Variants in PPM1D observed in about 807,000 individuals in gnomAD.
The protein encoded by PPM1D is protein phosphatase 1D.
PPM1D carries 52 observed loss-of-function variants against 58.3 expected under a neutral mutation model. The observed-to-expected ratio is 0.89, with a 90% CI of 0.71 to 1.12. The LOEUF is 1.12. Ranked by LOEUF, PPM1D falls within the 50% of genes most tolerant of loss-of-function variation. PPM1D has a pLI of 0.00. For missense variants in PPM1D, 564 were observed against 777.2 expected (o/e 0.73, Z 3.26); for synonymous variants, 278 against 285.1 (o/e 0.98, Z 0.25).
At chr17:60,628,874 C>T (rs1288828234) in intron 2 of PPM1D, among the ~76,000 whole-genome samples, 3 of 152,186 alleles carry the variant, frequency 2.0e-5, no homozygotes, top group South Asian at 4.1e-4. Context: ...TTTGCCAGTA[C>T]TCGTATGGTT....
Position 60,600,666 on chromosome 17 carries a change from C to G in PPM1D, c.252C>G (p.Ala84=), listed in dbSNP as rs1473615229. The G allele has an allele frequency of 5.8e-6, 9 of 1,555,630 alleles. No homozygotes were observed. Among genetic ancestry groups the G allele is most frequent in the African/African-American group, 1.4e-5 (1 of 72,508 alleles). ...GCGACCCTCTCCCGGACGCCGGGGC[C>G]TCGCCGGCACCTAGCCGCTGCTGCC... ...EARDPLPDAG[A]SPAPSRCCRR... The change falls in exon 1 of 6, where the codon GCC becomes GCG. Residue 84 remains alanine, a synonymous_variant. Coordinates refer to ENST00000305921, the MANE Select transcript of PPM1D (RefSeq NM_003620.4).
chr17:60,663,367 C>T lies in PPM1D; in HGVS notation c.1633C>T (p.Pro545Ser). Residue 545 changes from proline to serine, a missense_variant, in exon 6 of 6, where the codon CCC (proline) becomes TCC (serine). By Grantham distance (74) the Pro-to-Ser change is moderately conservative. Around this residue, in one of 7 missense-constraint regions of PPM1D, gnomAD observed 261 missense variants for 270.1 expected, o/e 0.97. Coordinates refer to ENST00000305921, the MANE Select transcript of PPM1D (RefSeq NM_003620.4). ...GACATTAGAAGAGTCCAATTCTGGCCCCCTGATGAAGAAGCATAGACGAAA... is the reference window on the plus strand; with the variant it reads ...GACATTAGAAGAGTCCAATTCTGGCTCCCTGATGAAGAAGCATAGACGAAA... The part of the protein sequence containing the change: ...KRTLEESNSG[P>S]LMKKHRRNGL... 1 of 1,614,080 alleles carries T rather than the reference C, an allele frequency of 6.2e-7. No homozygotes were observed. The highest frequency in any genetic ancestry group is 1.1e-5 in the South Asian group (1 of 91,076).
intron 1 of PPM1D, among the ~76,000 whole-genome samples, chr17:60,602,053 A>T (rs536154177): frequency 1.3e-4 from 20 of 152,366 alleles, no homozygotes; most frequent in Admixed American, 7.8e-4. Context: ...GTTGTAGATT[A>T]GCCGGTTTCA....
At chr17:60,602,225 G>A (rs2030229599) in intron 1 of PPM1D, among the ~76,000 whole-genome samples, 1 of 152,164 alleles carries the variant, frequency 6.6e-6, no homozygotes, top group Non-Finnish European at 1.5e-5. Flanking sequence ...AAGCACTGTA[G>A]TGTATTGTAG....
chr17:60,647,928 T>A lies in PPM1D; in HGVS notation c.863T>A (p.Phe288Tyr). ...AGCTATGATTTCTTCAGTGGTGAAT[T>A]TGTGGTGTCACCTGAACCAGACACA... is the stretch of plus-strand genomic sequence containing the variant. ...LWSYDFFSGE[F>Y]VVSPEPDTSV... The change falls in exon 4 of 6, where the codon TTT becomes TAT. Residue 288 changes from phenylalanine (F) to tyrosine (Y), a missense_variant. By Grantham distance (22) the Phe-to-Tyr change is conservative. Around this residue, in one of 7 missense-constraint regions of PPM1D, gnomAD observed 95 missense variants for 232.6 expected, o/e 0.41. Coordinates refer to ENST00000305921, the MANE Select transcript of PPM1D (RefSeq NM_003620.4). The A allele has an allele frequency of 1.2e-6, 2 of 1,613,562 alleles. No individual in the cohort carries two copies. Among genetic ancestry groups the A allele is most frequent in the Non-Finnish European group, 1.7e-6 (2 of 1,179,624 alleles).
intron 3 of PPM1D, among the ~76,000 whole-genome samples, chr17:60,647,689 G>A (rs1314896798): frequency 2.0e-5 from 3 of 152,158 alleles, no homozygotes; most frequent in African/African-American, 7.2e-5. Flanking sequence ...CAGAATTCTG[G>A]TGGATATACT....
At chr17:60,612,965 T>C (rs2030491100) in intron 1 of PPM1D, among the ~76,000 whole-genome samples, 1 of 152,182 alleles carries the variant, frequency 6.6e-6, no homozygotes, top group African/African-American at 2.4e-5. Flanking sequence ...TTTAAATTAT[T>C]AGTTTGGAGT....
chr17:60,645,586 GTGTATATATA>G (rs1376138220), intron 3 of PPM1D, among the ~76,000 whole-genome samples: 19 of 138,040 alleles, frequency 1.4e-4, no homozygotes, highest in South Asian at 4.4e-4. Flanking sequence ...ATATATATGT[GTGTATATATA>G]TGTATATATA....
chr17:60,645,606 A>G (rs1168483972), intron 3 of PPM1D, among the ~76,000 whole-genome samples: 13 of 138,270 alleles, frequency 9.4e-5, no homozygotes, highest in African/African-American at 2.6e-4. Context: ...ATGTATATAT[A>G]TGTGTGTATA....
At chr17:60,609,853 GT>G (rs1252570004) in intron 1 of PPM1D, among the ~76,000 whole-genome samples, 2 of 152,104 alleles carry the variant, frequency 1.3e-5, no homozygotes, top group African/African-American at 4.8e-5. Flanking sequence ...ATTTCTTACT[GT>G]GCCTAATTTA....
chr17:60,617,252 C>T (rs1414195168), intron 1 of PPM1D, among the ~76,000 whole-genome samples: 12 of 151,990 alleles, frequency 7.9e-5, no homozygotes, highest in Non-Finnish European at 1.8e-4. Flanking sequence ...GCCACTGTAC[C>T]CTGCCAAATT....
chr17:60,651,384 A>G (rs2031339028), intron 4 of PPM1D, among the ~76,000 whole-genome samples: 1 of 151,776 alleles, frequency 6.6e-6, no homozygotes, highest in African/African-American at 2.4e-5. Flanking sequence ...ATCACAGTTC[A>G]ATTAACAGTG....
intron 1 of PPM1D, among the ~76,000 whole-genome samples, chr17:60,620,696 G>A (rs1404482911): frequency 1.3e-5 from 2 of 151,852 alleles, no homozygotes; most frequent in South Asian, 4.1e-4. Flanking sequence ...TTTTAGTAGA[G>A]ACAGGCTTTC....
chr17:60,623,191 T>C (rs1253047309), intron 1 of PPM1D, among the ~76,000 whole-genome samples: 1 of 152,180 alleles, frequency 6.6e-6, no homozygotes. Context: ...CAAAACTGAT[T>C]CAGATTAAAA....
In PPM1D at chr17:60,663,972, A is replaced by C. The variant is rs921345051; in HGVS notation, c.*420A>C. The C allele has an allele frequency of 9.4e-5, 15 of 158,774 alleles. No individual in the cohort carries two copies. Among genetic ancestry groups the C allele is most frequent in the African/African-American group, 3.4e-4 (14 of 41,490 alleles). 9.8% of individuals were successfully genotyped at this position (158,774 alleles called of 1,614,324 possible). Reference sequence around the variant, plus strand: ...GAAAACTGTGCAACTTTTTAAAGTAAATTATTAAGCAGACTGGAAAAGTGA... The same window carrying C: ...GAAAACTGTGCAACTTTTTAAAGTACATTATTAAGCAGACTGGAAAAGTGA... On this transcript the variant is annotated 3_prime_UTR_variant, in exon 6 of 6. Coordinates refer to ENST00000305921, the MANE Select transcript of PPM1D (RefSeq NM_003620.4).
chr17:60,625,193 C>T (rs980328280), intron 2 of PPM1D, among the ~76,000 whole-genome samples: 10 of 151,864 alleles, frequency 6.6e-5, no homozygotes, highest in African/African-American at 1.5e-4. Context: ...ATGGCAACCC[C>T]GGTTAGGTGG....
At chr17:60,646,254 T>C (rs1229717630) in intron 3 of PPM1D, among the ~76,000 whole-genome samples, 1 of 152,214 alleles carries the variant, frequency 6.6e-6, no homozygotes, top group African/African-American at 2.4e-5. Flanking sequence ...GCTGAATTGC[T>C]TTTTGAAGAG....
intron 3 of PPM1D, among the ~76,000 whole-genome samples, chr17:60,637,230 CT>C (rs1285595395): frequency 6.6e-6 from 1 of 152,032 alleles, no homozygotes; most frequent in Admixed American, 6.6e-5. Context: ...ATGAATTTTT[CT>C]CTTTTTTCTT....
chr17:60,608,520 AG>A (rs2030380431), intron 1 of PPM1D, among the ~76,000 whole-genome samples: 1 of 152,072 alleles, frequency 6.6e-6, no homozygotes, highest in Non-Finnish European at 1.5e-5. Context: ...ATGCGCTGGT[AG>A]TCCCAGCTAC....
Sources: gnomAD v4.1 joint callset for allele counts (sites outside exome capture counted in the v4.1 genomes callset) on GRCh38, gnomAD v4.1.1 for gene constraint, gnomAD v4.1.1 regional missense constraint, MANE v1.5 for transcripts, NCBI Gene and HGNC (gene_info 2026-07-23, HGNC 2026-07-21) for gene names.